PTPRG: variants seen among roughly 807,000 people sequenced by gnomAD.
PTPRG encodes protein tyrosine phosphatase receptor type G.
A neutral mutation model predicts 165.3 loss-of-function variants in PTPRG; 102 were observed. That is an observed-to-expected ratio of 0.62 (90% CI 0.53 to 0.73). The LOEUF (loss-of-function observed/expected upper bound fraction) is 0.73, where lower values mean the gene tolerates loss of function less well. Ranked by LOEUF, PTPRG falls within the 30% of genes least tolerant of loss-of-function variation. The pLI is 0.00. For synonymous variants in PTPRG, 675 were observed against 669.5 expected (o/e 1.01, Z -0.13); for missense variants, 1,866 against 1,861.4 (o/e 1.00, Z -0.05).
chr3:61,980,310 G>T (rs2040610941), intron 2 of PTPRG, among the ~76,000 whole-genome samples: 1 of 152,204 alleles, frequency 6.6e-6, no homozygotes. Flanking sequence ...GAAAACTTCA[G>T]CAAGAGGCAG....
chr3:61,842,684 C>CAAAAAAAAAAAAAAAA (rs199500194), intron 2 of PTPRG, among the ~76,000 whole-genome samples: 3 of 121,646 alleles, frequency 2.5e-5, no homozygotes, highest in Admixed American at 8.6e-5. Context: ...GTATGTGTGG[C>CAAAAAAAAAAAAAAAA]AAAAAAAAAA....
At chr3:62,065,134 T>C (rs1452601047) in intron 4 of PTPRG, among the ~76,000 whole-genome samples, 1 of 152,232 alleles carries the variant, frequency 6.6e-6, no homozygotes, top group East Asian at 1.9e-4. Context: ...AAAATTGGTA[T>C]TCTCCTGCAC....
chr3:61,679,931 C>T (rs575112382), intron 1 of PTPRG, among the ~76,000 whole-genome samples: 20 of 152,292 alleles, frequency 1.3e-4, no homozygotes, highest in African/African-American at 4.1e-4. Flanking sequence ...TTACTCTCTT[C>T]GGCTTGTCCC....
intron 5 of PTPRG, among the ~76,000 whole-genome samples, chr3:62,083,110 A>G (rs1701634036): frequency 1.3e-5 from 2 of 152,238 alleles, no homozygotes; most frequent in Admixed American, 6.5e-5. Flanking sequence ...TGATTTATGT[A>G]AGTACAGAAA....
chr3:62,184,824 T>C (rs1295116216), intron 8 of PTPRG, among the ~76,000 whole-genome samples: 1 of 152,184 alleles, frequency 6.6e-6, no homozygotes, highest in East Asian at 1.9e-4. Flanking sequence ...TTTGTTTGAG[T>C]AGTAGTACTG....
At chr3:61,862,504 C>G (rs2037298213) in intron 2 of PTPRG, among the ~76,000 whole-genome samples, 1 of 151,730 alleles carries the variant, frequency 6.6e-6, no homozygotes, top group Admixed American at 6.6e-5. Flanking sequence ...TGTCCTGCCT[C>G]AGCCTCCCGA....
chr3:62,211,886 A>C (rs1700366481), intron 12 of PTPRG, among the ~76,000 whole-genome samples: 1 of 151,954 alleles, frequency 6.6e-6, no homozygotes, highest in Non-Finnish European at 1.5e-5. Flanking sequence ...CTGGGATGAG[A>C]GCCAAGCCAG....
chr3:61,624,573 TC>T (rs1022634774), intron 1 of PTPRG, among the ~76,000 whole-genome samples: 1 of 152,196 alleles, frequency 6.6e-6, no homozygotes, highest in Non-Finnish European at 1.5e-5. Flanking sequence ...GGTGCTGAGT[TC>T]TATTAATACC....
At chr3:62,288,140 T>TAAA (rs374405748) in intron 28 of PTPRG, among the ~76,000 whole-genome samples, 2 of 113,650 alleles carry the variant, frequency 1.8e-5, no homozygotes, top group East Asian at 2.6e-4. Context: ...AAACTGTACT[T>TAAA]AAAAAAAAAA....
chr3:62,130,516 T>C (rs941312370), intron 5 of PTPRG, among the ~76,000 whole-genome samples: 1 of 152,184 alleles, frequency 6.6e-6, no homozygotes, highest in Non-Finnish European at 1.5e-5. Flanking sequence ...CTCACAGATA[T>C]TAGAGTAACT....
At chr3:61,655,128 C>A (rs1412563921) in intron 1 of PTPRG, among the ~76,000 whole-genome samples, 2 of 152,114 alleles carry the variant, frequency 1.3e-5, no homozygotes, top group Non-Finnish European at 2.9e-5. Context: ...GGCAGGAGTC[C>A]TGGTTGCCTG....
chr3:62,160,864 A>ATTTTTTT (rs5849464), intron 7 of PTPRG, among the ~76,000 whole-genome samples: 20 of 103,986 alleles, frequency 1.9e-4, no homozygotes, highest in Admixed American at 3.6e-4. Context: ...TAGATGTGTG[A>ATTTTTTT]TTTTTTTTTT....
chr3:62,100,540 G>A (rs986661031), intron 5 of PTPRG, among the ~76,000 whole-genome samples: 8 of 151,930 alleles, frequency 5.3e-5, no homozygotes, highest in Non-Finnish European at 1.0e-4. Flanking sequence ...TTAGAGAGTG[G>A]ATCTGGACAT....
At chr3:62,288,645 C>T (rs551314038) in intron 28 of PTPRG, among the ~76,000 whole-genome samples, 1 of 151,408 alleles carries the variant, frequency 6.6e-6, no homozygotes, top group South Asian at 2.1e-4. Context: ...TGCACTCCAG[C>T]CTGGGCGACA....
At chr3:62,208,277 G>C (rs1331276607) in intron 12 of PTPRG, among the ~76,000 whole-genome samples, 4 of 152,082 alleles carry the variant, frequency 2.6e-5, no homozygotes, top group African/African-American at 9.7e-5. Flanking sequence ...CCATCCTGAG[G>C]AGCCACAGCG....
chr3:61,619,245 G>T (rs1273659271), intron 1 of PTPRG, among the ~76,000 whole-genome samples: 1 of 152,106 alleles, frequency 6.6e-6, no homozygotes, highest in Non-Finnish European at 1.5e-5. Flanking sequence ...CTCCAAAAAG[G>T]ATGGGCTTGA....
At chr3:61,886,106 AT>A (rs1178728011) in intron 2 of PTPRG, among the ~76,000 whole-genome samples, 2 of 152,036 alleles carry the variant, frequency 1.3e-5, no homozygotes, top group African/African-American at 4.8e-5. Context: ...AGAACCTATC[AT>A]GGAAAAGTTA....
At chr3:62,265,828 TTA>T (rs1480398289) in intron 17 of PTPRG, among the ~76,000 whole-genome samples, 1 of 146,662 alleles carries the variant, frequency 6.8e-6, no homozygotes, top group Non-Finnish European at 1.5e-5. Context: ...CATCTGTGCC[TTA>T]TATATACATA....
Position 62,296,329 on chromosome 3 carries a change from T to A in PTPRG, c.*3022T>A, listed in dbSNP as rs897341645. ...GGTGTTCAAGTTCTGGTTGTTGGAGTTTTTAGCCCAGAGTGACATACTGAA... is the reference window on the plus strand; with the variant it reads ...GGTGTTCAAGTTCTGGTTGTTGGAGATTTTAGCCCAGAGTGACATACTGAA... On this transcript the variant is annotated 3_prime_UTR_variant, in exon 30 of 30. Coordinates refer to ENST00000474889, the MANE Select transcript of PTPRG (RefSeq NM_002841.4). 6.6e-6 allele frequency: 1 copy of A among 151,638 alleles called. No homozygotes were observed. The highest frequency in any genetic ancestry group is 2.4e-5 in the African/African-American group (1 of 41,270). The allele number at this position is 151,638 out of a possible 1,614,324, so 9.4% of individuals were successfully genotyped here.
Sources: gnomAD v4.1 joint callset for allele counts (sites outside exome capture counted in the v4.1 genomes callset) on GRCh38, gnomAD v4.1.1 for gene constraint, MANE v1.5 for transcripts, NCBI Gene and HGNC (gene_info 2026-07-23, HGNC 2026-07-21) for gene names.